The following DLEU7 variants were observed in gnomAD, a reference collection of about 807,000 sequenced individuals.
DLEU7 encodes the protein deleted in lymphocytic leukemia 7, also known as leukemia-associated protein 7.
DLEU7 carries 17 observed loss-of-function variants against 16.0 expected under a neutral mutation model. That is an observed-to-expected ratio of 1.06 (90% CI 0.73 to 1.59). DLEU7 has a LOEUF of 1.59. DLEU7 is among the 40% of genes most tolerant of loss of function. DLEU7 has a pLI of 0.00. For synonymous variants in DLEU7, 113 were observed against 139.8 expected, an observed-to-expected ratio of 0.81 and a Z score of 1.35; for missense variants, 308 against 314.9, an observed-to-expected ratio of 0.98 and a Z score of 0.17.
At chr13:50,841,864 G>A (rs1877674732) in intron 1 of DLEU7, among the ~76,000 whole-genome samples, 1 of 152,048 alleles carries the variant, frequency 6.6e-6, no homozygotes, top group Non-Finnish European at 1.5e-5. Flanking sequence ...ACATTGGAGA[G>A]CATTTGGTGA....
intron 1 of DLEU7, among the ~76,000 whole-genome samples, chr13:50,828,842 G>A (rs931429884): frequency 6.6e-6 from 1 of 152,172 alleles, no homozygotes; most frequent in African/African-American, 2.4e-5. Flanking sequence ...CTGCGAGCTA[G>A]GTGCCAGGAC....
At chr13:50,841,836 CA>C (rs1036856723) in intron 1 of DLEU7, among the ~76,000 whole-genome samples, 64 of 150,694 alleles carry the variant, frequency 4.2e-4, no homozygotes, top group South Asian at 8.4e-4. Flanking sequence ...TTGGTGATAC[CA>C]AAAAAAAGTA....
At position 50,843,322 on chromosome 13, in the gene DLEU7, G is replaced by T. The variant is rs570929972; in HGVS notation, c.325C>A (p.Pro109Thr). ...ELLPFPRDRG[P>T]CTLAQMAMRS... ...ATCGCCATCTGGGCCAGGGTGCAGG[G>T]CCCGCGGTCCCGGGGGAAGGGCAGC... Residue 109 changes from proline to threonine, a missense_variant, in exon 1 of 2, where the codon CCC becomes ACC. By Grantham distance (38) the Pro-to-Thr change is conservative (BLOSUM62 -1). Coordinates refer to ENST00000504404, the MANE Select transcript of DLEU7 (RefSeq NM_001306135.2). The surrounding 1 kb of genome is among the most constrained non-coding windows in gnomAD (Gnocchi z 5.7). 2 of 1,508,582 alleles carry T rather than the reference G, an allele frequency of 1.3e-6. No homozygotes were observed. Among genetic ancestry groups the T allele is most frequent in the African/African-American group, 1.4e-5 (1 of 69,254 alleles). The allele number at this position is 1,508,582 out of a possible 1,614,324, so 93.4% of individuals were successfully genotyped here.
Position 50,843,537 on chromosome 13 carries a change from G to A in DLEU7, c.110C>T (p.Pro37Leu). 6.9e-7 allele frequency: 1 copy of A among 1,439,754 alleles called. No individual in the cohort carries two copies. The highest frequency in any genetic ancestry group is 9.0e-7 in the Non-Finnish European group (1 of 1,107,236). 89.2% of individuals were successfully genotyped at this position (1,439,754 alleles called of 1,614,324 possible). Reference protein sequence around the residue: ...EWGWGDGPVAPGNPRDPDHVS... With the variant: ...EWGWGDGPVALGNPRDPDHVS... ...GTGGTCTGGGTCCCGCGGGTTCCCG[G>A]GGGCGACTGGACCGTCCCCCCAGCC... Residue 37 changes from proline to leucine, a missense_variant, in exon 1 of 2, where the codon CCC becomes CTC. Physicochemically the swap from Pro to Leu is moderately conservative, Grantham distance 98 (BLOSUM62 -3). Transcript: ENST00000504404. The surrounding 1 kb of genome is among the most constrained non-coding windows in gnomAD (Gnocchi z 5.7).
intron 1 of DLEU7, among the ~76,000 whole-genome samples, chr13:50,749,816 C>T (rs1284400264): frequency 1.3e-5 from 2 of 152,000 alleles, no homozygotes; most frequent in African/African-American, 4.8e-5. Context: ...GATTTGAGTT[C>T]GTTGTAGATT....
intron 1 of DLEU7, among the ~76,000 whole-genome samples, chr13:50,810,686 C>T (rs930715270): frequency 5.9e-5 from 9 of 152,118 alleles, no homozygotes; most frequent in African/African-American, 1.9e-4. Flanking sequence ...GTGGTTCATG[C>T]AGAGCTGTCA....
chr13:50,798,125 CA>C (rs1876151524), intron 1 of DLEU7, among the ~76,000 whole-genome samples: 1 of 152,160 alleles, frequency 6.6e-6, no homozygotes, highest in Non-Finnish European at 1.5e-5. Context: ...CCATTTTGGA[CA>C]CCTTGATGGC....
At chr13:50,821,699 A>G (rs1275640680), downstream of DLEU7, among the ~76,000 whole-genome samples, 2 of 151,170 alleles carry the variant, frequency 1.3e-5, no homozygotes, top group Non-Finnish European at 2.9e-5. Flanking sequence ...ACAGACAGAA[A>G]ATAAAAAATG....
chr13:50,718,559 C>T (rs1483871393), intron 1 of DLEU7, among the ~76,000 whole-genome samples: 1 of 152,138 alleles, frequency 6.6e-6, no homozygotes, highest in African/African-American at 2.4e-5. Context: ...TTTTTCTTCA[C>T]GGGATTGCAT....
At chr13:50,826,945 G>T (rs564566416) in intron 1 of DLEU7, among the ~76,000 whole-genome samples, 4 of 152,020 alleles carry the variant, frequency 2.6e-5, no homozygotes, top group African/African-American at 9.6e-5. Context: ...AAATAAATAT[G>T]CTCTCATTTA....
intron 1 of DLEU7, among the ~76,000 whole-genome samples, chr13:50,713,615 C>T (rs1873356179): frequency 6.6e-6 from 1 of 152,108 alleles, no homozygotes; most frequent in African/African-American, 2.4e-5. Context: ...AAAGTGAGCT[C>T]TTGACAGGAA....
At chr13:50,722,446 A>AT (rs1358062822) in intron 1 of DLEU7, among the ~76,000 whole-genome samples, 4 of 152,160 alleles carry the variant, frequency 2.6e-5, no homozygotes, top group African/African-American at 9.7e-5. Flanking sequence ...TCCATAATAT[A>AT]TTTTTTGGAG....
chr13:50,820,196 G>A (rs1876854341), downstream of DLEU7, among the ~76,000 whole-genome samples: 2 of 151,964 alleles, frequency 1.3e-5, no homozygotes, highest in Non-Finnish European at 2.9e-5. Context: ...GGCGTTGTGG[G>A]CACAAATCCA....
At chr13:50,826,171 T>C (rs985109387) in intron 1 of DLEU7, among the ~76,000 whole-genome samples, 4 of 152,040 alleles carry the variant, frequency 2.6e-5, no homozygotes, top group African/African-American at 9.7e-5. Flanking sequence ...CTAATGCTGC[T>C]GCTGATACAA....
At chr13:50,825,655 G>T (rs1289118414) in intron 1 of DLEU7, among the ~76,000 whole-genome samples, 1 of 152,132 alleles carries the variant, frequency 6.6e-6, no homozygotes, top group African/African-American at 2.4e-5. Flanking sequence ...TGGTAGCTTC[G>T]ATAAGGCCTT....
At chr13:50,746,626 T>C (rs976582889) in intron 1 of DLEU7, among the ~76,000 whole-genome samples, 3 of 152,236 alleles carry the variant, frequency 2.0e-5, no homozygotes, top group Non-Finnish European at 4.4e-5. Context: ...ACTGCTTTCA[T>C]TGGTGCAATT....
intron 1 of DLEU7, among the ~76,000 whole-genome samples, chr13:50,759,649 C>T (rs1412612249): frequency 1.3e-5 from 2 of 152,166 alleles, no homozygotes; most frequent in Non-Finnish European, 2.9e-5. Context: ...CCCCCAGTGT[C>T]ACTCTCTTAG....
intron 1 of DLEU7, among the ~76,000 whole-genome samples, chr13:50,763,259 A>G (rs1378041755): frequency 6.6e-6 from 1 of 152,174 alleles, no homozygotes; most frequent in African/African-American, 2.4e-5. Flanking sequence ...ATCTAGTCCT[A>G]AAAGAGATTG....
chr13:50,799,226 A>C (rs1413303499), intron 1 of DLEU7, among the ~76,000 whole-genome samples: 2 of 152,132 alleles, frequency 1.3e-5, no homozygotes, highest in East Asian at 3.8e-4. Flanking sequence ...GCATATTACA[A>C]CCTTCAAATA....
Sources: allele counts gnomAD v4.1 joint callset (sites outside exome capture counted in the v4.1 genomes callset), GRCh38; gene constraint gnomAD v4.1.1; non-coding constraint Gnocchi (gnomAD v3.1); transcripts MANE v1.5; gene names NCBI Gene and HGNC (gene_info 2026-07-23, HGNC 2026-07-21).